The following CCDC91 variants were observed in gnomAD, a reference collection of about 807,000 sequenced individuals.
The protein encoded by CCDC91 is coiled-coil domain containing 91.
In CCDC91, 48 loss-of-function variants were observed where a neutral mutation model predicts 63.2. That is an observed-to-expected ratio of 0.76 (90% confidence interval 0.60 to 0.97). The LOEUF (loss-of-function observed/expected upper bound fraction) is 0.97, where lower values mean the gene tolerates loss of function less well. CCDC91 is among the 50% of genes least tolerant of loss of function. The pLI, the probability that CCDC91 is intolerant of heterozygous loss-of-function variation, is 0.00. For synonymous variants in CCDC91, 167 were observed against 165.8 expected (o/e 1.01, Z -0.06); for missense variants, 500 against 494.6 (o/e 1.01, Z -0.10).
chr12:28,343,197 A>AAT (rs10566510), intron 6 of CCDC91, among the ~76,000 whole-genome samples: 2,248 of 145,688 alleles, frequency 0.015, 22 homozygotes, highest in African/African-American at 0.023. Flanking sequence ...TATATTGTGT[A>AAT]ATATATATAT....
At chr12:28,374,719 A>T (rs1371300086) in intron 7 of CCDC91, among the ~76,000 whole-genome samples, 1 of 152,120 alleles carries the variant, frequency 6.6e-6, no homozygotes, top group African/African-American at 2.4e-5. Context: ...GAACATTCTG[A>T]TTCACCTAGA....
At chr12:28,431,237 A>G (rs1362745549) in intron 8 of CCDC91, among the ~76,000 whole-genome samples, 2 of 152,106 alleles carry the variant, frequency 1.3e-5, no homozygotes, top group Non-Finnish European at 2.9e-5. Flanking sequence ...TTTCCTATGT[A>G]TCTATTAATC....
intron 7 of CCDC91, among the ~76,000 whole-genome samples, chr12:28,365,686 C>G (rs1944226924): frequency 6.6e-6 from 1 of 152,086 alleles, no homozygotes; most frequent in South Asian, 2.1e-4. Context: ...TATTCCAATC[C>G]TTGTTTCAGT....
intron 1 of CCDC91, among the ~76,000 whole-genome samples, chr12:28,256,361 T>C: frequency 6.6e-6 from 1 of 152,046 alleles, no homozygotes; most frequent in Non-Finnish European, 1.5e-5. Flanking sequence ...TAATGTATAC[T>C]TCCTCTTACT....
At chr12:28,331,763 T>C (rs1941533819) in intron 6 of CCDC91, among the ~76,000 whole-genome samples, 1 of 152,142 alleles carries the variant, frequency 6.6e-6, no homozygotes, top group Admixed American at 6.5e-5. Context: ...GTGTGCCTCT[T>C]TGGGACACAT....
At chr12:28,529,823 C>T (rs1035343511) in intron 12 of CCDC91, among the ~76,000 whole-genome samples, 1 of 152,010 alleles carries the variant, frequency 6.6e-6, no homozygotes, top group Non-Finnish European at 1.5e-5. Context: ...CCATATATGT[C>T]TTTTTTTCAA....
Position 28,191,943 on chromosome 12 carries a change from T to G in CCDC91, c.-15+1302T>G, listed in dbSNP as rs1481718975. On this transcript the variant is annotated intron_variant, in intron 1 of 12. Coordinates refer to ENST00000536442, the MANE Select transcript of CCDC91 (RefSeq NM_018318.5). ...GTGTTCTGTGGGCTGGGAAATCTTA[T>G]GAACTGGTTTCCTAGCAACAGTATA... 4.6e-5 allele frequency among the ~76,000 whole-genome samples: 7 copies of G among 152,278 alleles called. No individual in the cohort carries two copies. In the East Asian group the frequency reaches 1.3e-3, roughly 29 times the overall value.
chr12:28,307,607 T>C, intron 5 of CCDC91, 38 bp from the exon 6 acceptor site: 3 of 1,072,716 alleles, frequency 2.8e-6, no homozygotes, highest in Non-Finnish European at 4.1e-6. Flanking sequence ...TTTATGCCAT[T>C]AAATATTACA....
intron 11 of CCDC91, among the ~76,000 whole-genome samples, chr12:28,452,891 T>C (rs531584348): frequency 9.2e-5 from 14 of 152,006 alleles, no homozygotes; most frequent in African/African-American, 3.4e-4. Flanking sequence ...CCTTTTACTT[T>C]ATTTTCTAAA....
At chr12:28,204,295 A>G (rs908084202) in intron 1 of CCDC91, among the ~76,000 whole-genome samples, 2 of 152,106 alleles carry the variant, frequency 1.3e-5, no homozygotes, top group African/African-American at 4.8e-5. Flanking sequence ...AATTTATATC[A>G]CTTTTCTGCA....
intron 7 of CCDC91, among the ~76,000 whole-genome samples, chr12:28,383,385 C>T (rs1376515160): frequency 5.9e-5 from 9 of 152,314 alleles, no homozygotes; most frequent in African/African-American, 1.9e-4. Context: ...GCAGCCTCAA[C>T]TTGACCTTGC....
chr12:28,500,965 A>G (rs530965212), intron 12 of CCDC91, among the ~76,000 whole-genome samples: 1 of 151,798 alleles, frequency 6.6e-6, no homozygotes, highest in East Asian at 1.9e-4. Context: ...AGGTTCTTCA[A>G]TTTTTTTAAA....
chr12:28,315,536 T>C (rs897109410), intron 6 of CCDC91, among the ~76,000 whole-genome samples: 3 of 152,036 alleles, frequency 2.0e-5, no homozygotes, highest in African/African-American at 7.2e-5. Flanking sequence ...TACAGTAGTT[T>C]TCATGAATTT....
intron 1 of CCDC91, among the ~76,000 whole-genome samples, chr12:28,234,401 T>A (rs762621621): frequency 1.3e-5 from 2 of 152,182 alleles, no homozygotes; most frequent in Non-Finnish European, 2.9e-5. Context: ...TGACAGAATT[T>A]TTTTAAAAAG....
chr12:28,476,030 T>C (rs1951068827), intron 11 of CCDC91, among the ~76,000 whole-genome samples: 1 of 151,936 alleles, frequency 6.6e-6, no homozygotes, highest in Non-Finnish European at 1.5e-5. Context: ...AAAAACTGCA[T>C]CCAATACAAG....
chr12:28,381,385 AT>A (rs555617761), intron 7 of CCDC91, among the ~76,000 whole-genome samples: 4,329 of 151,212 alleles, frequency 0.029, 91 homozygotes, highest in Non-Finnish European at 0.045. Context: ...TCAAAATATC[AT>A]TTTTTTTTGT....
chr12:28,272,229 A>T (rs1023875878), intron 3 of CCDC91, among the ~76,000 whole-genome samples: 1 of 151,848 alleles, frequency 6.6e-6, no homozygotes, highest in African/African-American at 2.4e-5. Context: ...ATTTTCTTTG[A>T]TTAGAATTTT....
chr12:28,369,868 T>G (rs1944503756), intron 7 of CCDC91, among the ~76,000 whole-genome samples: 1 of 152,196 alleles, frequency 6.6e-6, no homozygotes, highest in Non-Finnish European at 1.5e-5. Flanking sequence ...TGGCCCTTTT[T>G]AGCCACAGCT....
At chr12:28,471,656 TATATACAA>T (rs1950819417) in intron 11 of CCDC91, among the ~76,000 whole-genome samples, 1 of 151,940 alleles carries the variant, frequency 6.6e-6, no homozygotes, top group African/African-American at 2.4e-5. Flanking sequence ...ATTGAGAAGA[TATATACAA>T]CTAGGAGAGA....
Sources: allele counts gnomAD v4.1 joint callset (sites outside exome capture counted in the v4.1 genomes callset), GRCh38; gene constraint gnomAD v4.1.1; transcripts MANE v1.5; gene names NCBI Gene and HGNC (gene_info 2026-07-23, HGNC 2026-07-21).